The following NTN1 variants were observed in gnomAD, a reference collection of about 807,000 sequenced individuals.
NTN1 encodes the protein netrin-1.
NTN1 carries 11 observed loss-of-function variants against 54.2 expected under a neutral mutation model. That is an observed-to-expected ratio of 0.20 (90% confidence interval 0.13 to 0.34). The LOEUF (loss-of-function observed/expected upper bound fraction) is 0.34. NTN1 is among the 10% of genes least tolerant of loss of function. NTN1 has a pLI of 1.00. For missense variants in NTN1, 740 were observed against 893.1 expected, an observed-to-expected ratio of 0.83 and a Z score of 2.18; for synonymous variants, 371 against 382.0, an observed-to-expected ratio of 0.97 and a Z score of 0.33.
chr17:9,194,709 C>T (rs1055518270), intron 5 of NTN1, among the ~76,000 whole-genome samples: 2 of 152,104 alleles, frequency 1.3e-5, no homozygotes, highest in African/African-American at 4.8e-5. Context: ...GGATCAGACC[C>T]AGATTTTCTG....
At position 9,027,277 on chromosome 17, in the gene NTN1, C is replaced by T. The variant is rs112355813; in HGVS notation, c.1018+3886C>T. Among the ~76,000 whole-genome samples the T allele has an allele frequency of 1.5e-3, 231 of 152,226 alleles. 1 individual carries two copies. Among genetic ancestry groups the T allele is most frequent in the Middle Eastern group, 6.8e-3 (2 of 294 alleles). On this transcript the variant is annotated intron_variant, in intron 2 of 6. Coordinates refer to ENST00000173229, the MANE Select transcript of NTN1 (RefSeq NM_004822.3). ...ATTATTGTCATTATGATGATTAACC[C>T]TGGAGGACTTACTCTTTGCCAAGCG...
chr17:9,236,746 A>G (rs779800756), intron 6 of NTN1, among the ~76,000 whole-genome samples: 12 of 152,170 alleles, frequency 7.9e-5, no homozygotes, highest in Non-Finnish European at 1.2e-4. Context: ...AGAGGAAGGT[A>G]CCTTTCAGGG....
At chr17:9,223,561 A>AAAAAAAAAG (rs796242420) in intron 6 of NTN1, among the ~76,000 whole-genome samples, 7 of 152,040 alleles carry the variant, frequency 4.6e-5, no homozygotes, top group African/African-American at 1.4e-4. Flanking sequence ...TGTCTCAAAA[A>AAAAAAAAAG]AAAGAAAGAA....
chr17:9,223,714 A>C (rs2142359320), intron 6 of NTN1, among the ~76,000 whole-genome samples: 1 of 152,274 alleles, frequency 6.6e-6, no homozygotes, highest in South Asian at 2.1e-4. Flanking sequence ...TGACGACTTG[A>C]GCAGGACGCC....
intron 2 of NTN1, among the ~76,000 whole-genome samples, chr17:9,053,859 A>G (rs1241420643): frequency 6.6e-6 from 1 of 152,224 alleles, no homozygotes; most frequent in Non-Finnish European, 1.5e-5. Context: ...TTCACAGGTG[A>G]AAAGGGAGTG....
chr17:9,196,182 C>T (rs1248004730), intron 5 of NTN1, among the ~76,000 whole-genome samples: 1 of 152,166 alleles, frequency 6.6e-6, no homozygotes, highest in Non-Finnish European at 1.5e-5. Flanking sequence ...TTCTGGGGCA[C>T]AGCACCCGGG....
At chr17:9,133,680 C>T (rs1228103350) in intron 2 of NTN1, among the ~76,000 whole-genome samples, 1 of 150,474 alleles carries the variant, frequency 6.6e-6, no homozygotes, top group Non-Finnish European at 1.5e-5. Flanking sequence ...CTCCACCTCC[C>T]GGGTTCAAGC....
At chr17:9,167,775 C>CG (rs72533805) in intron 3 of NTN1, among the ~76,000 whole-genome samples, 16 of 151,924 alleles carry the variant, frequency 1.1e-4, no homozygotes, top group African/African-American at 2.4e-4. Context: ...AGTCTTGCCC[C>CG]CTCTGTTTCC....
chr17:9,071,185 C>T (rs2092030853), intron 2 of NTN1, among the ~76,000 whole-genome samples: 1 of 152,196 alleles, frequency 6.6e-6, no homozygotes, highest in African/African-American at 2.4e-5. Context: ...TGTCAGCGGT[C>T]ATGAGGGAGC....
At chr17:9,096,077 G>A (rs2092131086) in intron 2 of NTN1, among the ~76,000 whole-genome samples, 1 of 152,106 alleles carries the variant, frequency 6.6e-6, no homozygotes, top group Admixed American at 6.6e-5. Flanking sequence ...GATTACAGGC[G>A]TGAGCAACTG....
chr17:9,149,923 C>G (rs1351573559), intron 2 of NTN1, among the ~76,000 whole-genome samples: 2 of 150,138 alleles, frequency 1.3e-5, no homozygotes, highest in African/African-American at 2.5e-5. Flanking sequence ...AAAAATTAGC[C>G]AGGCATGGTG....
rs1232579401 is a variant in NTN1 at position 9,221,388 on chromosome 17, C to G, written c.1486+146C>G. Reference sequence around the variant, plus strand: ...GGAACTAGCCGGACGGATCCCACGCCTGGGAATTTCTCATCTTTTCCTCCT... The same window carrying G: ...GGAACTAGCCGGACGGATCCCACGCGTGGGAATTTCTCATCTTTTCCTCCT... On this transcript the variant is annotated intron_variant, in intron 6 of 6. Coordinates refer to ENST00000173229, the MANE Select transcript of NTN1 (RefSeq NM_004822.3). The surrounding 1 kb of genome is among the most constrained non-coding windows in gnomAD (Gnocchi z 4.5). The G allele has an allele frequency of 4.5e-6, 3 of 669,820 alleles. No individual in the cohort carries two copies. The highest frequency in any genetic ancestry group is 8.1e-6 in the Non-Finnish European group (3 of 372,412). The allele number at this position is 669,820 out of a possible 1,614,324, so 41.5% of individuals were successfully genotyped here. A position where few individuals can be genotyped will look rare whatever the true frequency, so the allele number is the denominator to read the frequency against.
chr17:9,188,110 A>C (rs1350268319), intron 5 of NTN1, among the ~76,000 whole-genome samples: 1 of 152,170 alleles, frequency 6.6e-6, no homozygotes, highest in African/African-American at 2.4e-5. Flanking sequence ...GAACAGACTT[A>C]ATGCCATTGA....
intron 2 of NTN1, among the ~76,000 whole-genome samples, chr17:9,067,684 C>T (rs995546805): frequency 1.3e-5 from 2 of 152,162 alleles, no homozygotes; most frequent in African/African-American, 4.8e-5. Context: ...TCTTCAGTCG[C>T]CTCCCATGCC....
At chr17:9,224,860 C>T (rs563056002) in intron 6 of NTN1, among the ~76,000 whole-genome samples, 123 of 152,250 alleles carry the variant, frequency 8.1e-4, no homozygotes, top group African/African-American at 2.8e-3. Context: ...GCTCTGGCAC[C>T]ACTAGCTTTC....
intron 5 of NTN1, among the ~76,000 whole-genome samples, chr17:9,193,729 C>G (rs943663721): frequency 6.6e-6 from 1 of 151,340 alleles, no homozygotes; most frequent in Non-Finnish European, 1.5e-5. Context: ...TTGAGACCAG[C>G]CTGACCAACA....
Position 9,215,290 on chromosome 17 carries a change from T to C in NTN1, c.1412-5878T>C, listed in dbSNP as rs201430125. Among the ~76,000 whole-genome samples, 311 of 111,938 alleles carry C rather than the reference T, an allele frequency of 2.8e-3. 2 individuals are homozygous for C. The highest frequency in any genetic ancestry group is 0.017 in the South Asian group (53 of 3,056). 73.4% of individuals were successfully genotyped at this position (111,938 alleles called of 152,430 possible). A position where few individuals can be genotyped will look rare whatever the true frequency, so the allele number is the denominator to read the frequency against. On this transcript the variant is annotated intron_variant, in intron 5 of 6. Coordinates refer to ENST00000173229, the MANE Select transcript of NTN1 (RefSeq NM_004822.3). ...ACACACACACACACACACACACACA[T>C]ACACACATGGGGACAGAGAAGGAGA...
chr17:9,215,236 C>T (rs1412294036), intron 5 of NTN1, among the ~76,000 whole-genome samples: 1 of 142,312 alleles, frequency 7.0e-6, no homozygotes, highest in African/African-American at 2.7e-5. Context: ...TTTATATATA[C>T]ATAGCTAGAT....
intron 5 of NTN1, among the ~76,000 whole-genome samples, chr17:9,216,886 CA>C (rs1200376948): frequency 6.6e-6 from 1 of 152,050 alleles, no homozygotes; most frequent in African/African-American, 2.4e-5. Context: ...ACTAAAGATA[CA>C]AAAAATTAGG....
Sources: allele counts gnomAD v4.1 joint callset (sites outside exome capture counted in the v4.1 genomes callset), GRCh38; gene constraint gnomAD v4.1.1; non-coding constraint Gnocchi (gnomAD v3.1); transcripts MANE v1.5; gene names NCBI Gene and HGNC (gene_info 2026-07-23, HGNC 2026-07-21).